The following IBTK variants were observed in gnomAD, a reference collection of about 807,000 sequenced individuals.
IBTK encodes the protein inhibitor of Bruton tyrosine kinase.
A neutral mutation model predicts 154.9 loss-of-function variants in IBTK; 83 were observed. The observed-to-expected ratio is 0.54, with a 90% CI of 0.45 to 0.64. IBTK has a LOEUF of 0.64. Ranked by LOEUF, IBTK falls within the 30% of genes least tolerant of loss-of-function variation. The pLI, the probability that IBTK is intolerant of heterozygous loss-of-function variation, is 0.00. For missense variants in IBTK, 1,332 were observed against 1,584.6 expected, an observed-to-expected ratio of 0.84 and a Z score of 2.71; for synonymous variants, 515 against 536.1, an observed-to-expected ratio of 0.96 and a Z score of 0.54.
intron 3 of IBTK, among the ~76,000 whole-genome samples, chr6:82,233,486 C>A (rs1471326295): frequency 1.3e-5 from 2 of 152,084 alleles, no homozygotes; most frequent in Non-Finnish European, 2.9e-5. Context: ...TAACAGTCCT[C>A]CCATTTTAGA....
At chr6:82,216,654 CTTGT>C (rs761029956) in intron 10 of IBTK, among the ~76,000 whole-genome samples, 6 of 152,146 alleles carry the variant, frequency 3.9e-5, no homozygotes, top group Non-Finnish European at 7.4e-5. Flanking sequence ...TCATAATCTG[CTTGT>C]TTATTTGCTT....
At position 82,200,252 on chromosome 6, in the gene IBTK, C is replaced by T; in HGVS notation, c.2914G>A (p.Glu972Lys). 1 of 1,606,092 alleles carries T rather than the reference C, an allele frequency of 6.2e-7. No homozygotes were observed. The highest frequency in any genetic ancestry group is 8.5e-7 in the Non-Finnish European group (1 of 1,173,708). ...GTTTTTGCTTTCTTGAACATAGTTT[C>T]CCTAGGAAAAAGCAAACATAATTTC... The part of the protein sequence containing the change: ...EEINMEQNHS[E>K]TMFKKAKTKA... Residue 972 changes from glutamate (E) to lysine (K), a missense_variant and splice_region_variant, in exon 21 of 29, where the codon GAA becomes AAA. This residue lies in a region of IBTK where 1,134 missense variants were observed against 1,274.7 expected (regional missense o/e 0.89). Transcript: ENST00000306270.
At chr6:82,223,848 G>A (rs191667393) in intron 7 of IBTK, among the ~76,000 whole-genome samples, 26 of 152,242 alleles carry the variant, frequency 1.7e-4, no homozygotes, top group Admixed American at 1.5e-3. Context: ...TATTCGGGGG[G>A]CTGAGATGGG....
chr6:82,183,239 G>A (rs926328156), intron 25 of IBTK, among the ~76,000 whole-genome samples: 3 of 151,928 alleles, frequency 2.0e-5, no homozygotes, highest in Non-Finnish European at 4.4e-5. Context: ...ATGAAACTCC[G>A]TCTCTACTAA....
chr6:82,180,000 C>T (rs1373909759), intron 26 of IBTK, among the ~76,000 whole-genome samples: 1 of 152,232 alleles, frequency 6.6e-6, no homozygotes, highest in South Asian at 2.1e-4. Flanking sequence ...GAGGATAGTT[C>T]TATATAGGCA....
Position 82,171,382 on chromosome 6 carries a change from C to T in IBTK, c.*43G>A. On this transcript the variant is annotated 3_prime_UTR_variant, in exon 29 of 29. Coordinates refer to ENST00000306270, the MANE Select transcript of IBTK (RefSeq NM_015525.4). ...TTTCCACAGCTTTTCTTTATATGAA[C>T]AAACTCATAATTATGTAAAATGCAT... 6.4e-7 allele frequency: 1 copy of T among 1,552,000 alleles called. No homozygotes were observed. Among genetic ancestry groups the T allele is most frequent in the Non-Finnish European group, 8.8e-7 (1 of 1,141,686 alleles).
At chr6:82,206,681 T>C (rs1224505376) in intron 16 of IBTK, among the ~76,000 whole-genome samples, 1 of 151,974 alleles carries the variant, frequency 6.6e-6, no homozygotes, top group African/African-American at 2.4e-5. Context: ...CAATTAAAGA[T>C]GCAAAAATCC....
chr6:82,180,505 G>A (rs1739410717), intron 26 of IBTK, among the ~76,000 whole-genome samples: 2 of 152,216 alleles, frequency 1.3e-5, no homozygotes, highest in Middle Eastern at 3.4e-3. Context: ...GCCCACCTCG[G>A]CCTCCCAAAG....
At chr6:82,227,141 T>G in intron 5 of IBTK, 51 bp downstream of exon 5, 1 of 1,234,810 alleles carries the variant, frequency 8.1e-7, no homozygotes, top group Non-Finnish European at 1.2e-6. Context: ...TCTTTCAGCT[T>G]ATCAGCATTT....
intron 1 of IBTK, among the ~76,000 whole-genome samples, chr6:82,246,679 C>T (rs1407113): frequency 0.016 from 2,508 of 152,140 alleles, 27 homozygotes; most frequent in Non-Finnish European, 0.024. Context: ...TTTTTAGAAA[C>T]CAGTTTTGTC....
chr6:82,172,519 GAAT>G lies in IBTK; in HGVS notation c.3798-10_3798-8del, dbSNP rs759801574. The G allele has an allele frequency of 9.4e-6, 15 of 1,596,520 alleles. No homozygotes were observed. In the East Asian group the frequency reaches 2.9e-4, roughly 31 times the overall value. ...TGAAGAAGATAGCCAGGGACTGAAAGAATAATAATAATGAGTTTCATTCATCTT... is the reference window on the plus strand; with the variant it reads ...TGAAGAAGATAGCCAGGGACTGAAAGAATAATAATGAGTTTCATTCATCTT... On this transcript the variant is annotated splice_region_variant and splice_polypyrimidine_tract_variant and intron_variant, in intron 27 of 28. Transcript: ENST00000306270.
At chr6:82,196,640 G>C (rs576786469) in intron 21 of IBTK, among the ~76,000 whole-genome samples, 194 bp from the exon 22 acceptor site, 1 of 152,102 alleles carries the variant, frequency 6.6e-6, no homozygotes, top group Non-Finnish European at 1.5e-5. Context: ...AACTGAAATG[G>C]AAGAGATTCT....
intron 22 of IBTK, among the ~76,000 whole-genome samples, chr6:82,195,824 C>A (rs763708114): frequency 6.6e-6 from 1 of 152,166 alleles, no homozygotes; most frequent in Non-Finnish European, 1.5e-5. Flanking sequence ...AGGAATCCTG[C>A]AGCTTAATGT....
chr6:82,246,441 C>CTCTT (rs780889890), intron 1 of IBTK, among the ~76,000 whole-genome samples: 17 of 111,680 alleles, frequency 1.5e-4, no homozygotes, highest in Admixed American at 3.0e-4. Flanking sequence ...TTACAGGCAT[C>CTCTT]TTTTTTTTTT....
At chr6:82,188,002 A>G (rs1768617098) in intron 25 of IBTK, among the ~76,000 whole-genome samples, 1 of 152,130 alleles carries the variant, frequency 6.6e-6, no homozygotes, top group African/African-American at 2.4e-5. Context: ...AACAAAATGT[A>G]CACCTTAACA....
chr6:82,238,944 G>A (rs1770838253), intron 2 of IBTK, among the ~76,000 whole-genome samples: 1 of 151,252 alleles, frequency 6.6e-6, no homozygotes, highest in Non-Finnish European at 1.5e-5. Flanking sequence ...TTACTATGTT[G>A]GCCAGGCTTG....
chr6:82,201,498 C>T lies in IBTK; in HGVS notation c.2730-16G>A. 3 of 1,558,072 alleles carry T rather than the reference C, an allele frequency of 1.9e-6. No homozygotes were observed. Among genetic ancestry groups the T allele is most frequent in the East Asian group, 2.3e-5 (1 of 44,088 alleles). On this transcript the variant is annotated splice_polypyrimidine_tract_variant and intron_variant, in intron 18 of 28. Coordinates refer to ENST00000306270, the MANE Select transcript of IBTK (RefSeq NM_015525.4). ...ATCAAGAGACCTAAAATATAGGATA[C>T]AAAATTCTATCTTAAGATTCAAGTG...
chr6:82,225,449 C>A (rs1770259517), intron 6 of IBTK, 28 bp downstream of exon 6: 1 of 1,574,338 alleles, frequency 6.4e-7, no homozygotes, highest in Non-Finnish European at 8.6e-7. Context: ...AAATGTAAAA[C>A]CTTATTATTT....
intron 3 of IBTK, among the ~76,000 whole-genome samples, chr6:82,232,168 T>A (rs1011606889): frequency 6.6e-6 from 1 of 152,130 alleles, no homozygotes; most frequent in Non-Finnish European, 1.5e-5. Context: ...GTGCTAGGAT[T>A]ACAGGCATAA....
Sources: gnomAD v4.1 joint callset for allele counts (sites outside exome capture counted in the v4.1 genomes callset) on GRCh38, gnomAD v4.1.1 for gene constraint, gnomAD v4.1.1 regional missense constraint, MANE v1.5 for transcripts, NCBI Gene and HGNC (gene_info 2026-07-23, HGNC 2026-07-21) for gene names.